Variants in PPARGC1A observed in about 807,000 individuals in gnomAD.
PPARGC1A encodes PPARG coactivator 1 alpha.
In PPARGC1A, 25 loss-of-function variants were observed where a neutral mutation model predicts 88.7. That is an observed-to-expected ratio of 0.28 (90% CI 0.21 to 0.39). The LOEUF (loss-of-function observed/expected upper bound fraction) is 0.39, where lower values mean the gene tolerates loss of function less well. Among genes scored for constraint, PPARGC1A ranks in the 10% least tolerant of loss-of-function variants. PPARGC1A has a pLI of 1.00. For missense variants in PPARGC1A, 880 were observed against 968.7 expected (o/e 0.91, Z 1.22); for synonymous variants, 363 against 355.6 (o/e 1.02, Z -0.24).
chr4:24,151,914 A>G, the PPARGC1A span, among the ~76,000 whole-genome samples: 1 of 152,364 alleles, frequency 6.6e-6, no homozygotes, highest in East Asian at 1.9e-4. Flanking sequence ...AATCAAACTC[A>G]ATAAAACTCA....
At chr4:24,081,489 C>T in the PPARGC1A span, among the ~76,000 whole-genome samples, 4,242 of 152,194 alleles carry the variant, frequency 0.028, 84 homozygotes, top group Non-Finnish European at 0.041. Flanking sequence ...ATGTAATAGA[C>T]CTGCTGGACT....
the PPARGC1A span, among the ~76,000 whole-genome samples, chr4:24,143,616 TGATAGATA>T: frequency 8.4e-3 from 1,284 of 151,968 alleles, 25 homozygotes; most frequent in African/African-American, 0.03. Flanking sequence ...GATAGAAAGA[TGATAGATA>T]GATAGATAGA....
At chr4:24,252,467 C>G in the PPARGC1A span, among the ~76,000 whole-genome samples, 1 of 152,230 alleles carries the variant, frequency 6.6e-6, no homozygotes, top group Non-Finnish European at 1.5e-5. Flanking sequence ...TCACTTCTCA[C>G]TGCCAACCAA....
chr4:24,354,683 A>G, the PPARGC1A span, among the ~76,000 whole-genome samples: 5 of 152,074 alleles, frequency 3.3e-5, no homozygotes, highest in South Asian at 2.1e-4. Context: ...TCAGGAGATC[A>G]AGACCATACT....
the PPARGC1A span, among the ~76,000 whole-genome samples, chr4:24,164,093 T>C: frequency 6.6e-6 from 1 of 152,204 alleles, no homozygotes; most frequent in South Asian, 2.1e-4. Context: ...ATAATAAAAA[T>C]AGGCAACTAT....
chr4:23,802,194 T>C, intron 11 of PPARGC1A, 30 bp downstream of exon 11: 1 of 1,613,908 alleles, frequency 6.2e-7, no homozygotes, highest in South Asian at 1.1e-5. Flanking sequence ...CGTCAGCTTC[T>C]AAACAAGAAA....
At chr4:23,924,195 A>ATG in the PPARGC1A span, among the ~76,000 whole-genome samples, 1 of 152,242 alleles carries the variant, frequency 6.6e-6, no homozygotes, top group Non-Finnish European at 1.5e-5. Flanking sequence ...CAAATGGGCC[A>ATG]GTCTTCAACT....
At chr4:23,859,405 A>G (rs776393645) in intron 2 of PPARGC1A, among the ~76,000 whole-genome samples, 9 of 152,216 alleles carry the variant, frequency 5.9e-5, no homozygotes, top group Non-Finnish European at 1.0e-4. Flanking sequence ...AGGGTCTTCC[A>G]GCAAAGGAAG....
chr4:24,305,941 C>T, the PPARGC1A span, among the ~76,000 whole-genome samples: 26 of 152,218 alleles, frequency 1.7e-4, no homozygotes, highest in Admixed American at 1.7e-3. Context: ...GTTTGTACAA[C>T]ATCTGAAGAT....
the PPARGC1A span, among the ~76,000 whole-genome samples, chr4:24,216,392 C>T: frequency 6.6e-6 from 1 of 152,054 alleles, no homozygotes; most frequent in Non-Finnish European, 1.5e-5. Context: ...AAGTGATCTG[C>T]CCACCTCAGC....
At chr4:23,899,525 C>G (rs535288505), upstream of PPARGC1A, among the ~76,000 whole-genome samples, 4 of 152,286 alleles carry the variant, frequency 2.6e-5, no homozygotes, top group East Asian at 7.7e-4. Flanking sequence ...ATTCATTCCA[C>G]TTAGAGTATT....
the PPARGC1A span, among the ~76,000 whole-genome samples, chr4:24,122,396 T>TGTGTGG: frequency 7.3e-6 from 1 of 136,788 alleles, no homozygotes; most frequent in Non-Finnish European, 1.6e-5. Context: ...TGTGTGTGTG[T>TGTGTGG]GTGTGTGTGT....
At chr4:24,042,613 C>T in the PPARGC1A span, among the ~76,000 whole-genome samples, 3 of 152,260 alleles carry the variant, frequency 2.0e-5, no homozygotes, top group South Asian at 4.1e-4. Context: ...GATACCGGAC[C>T]ACATAAATGT....
chr4:24,310,911 G>GCAAC, the PPARGC1A span, among the ~76,000 whole-genome samples: 1 of 152,056 alleles, frequency 6.6e-6, no homozygotes, highest in East Asian at 1.9e-4. Context: ...TGATTTTAAA[G>GCAAC]CAACTATTAC....
chr4:24,200,090 GATAA>G, the PPARGC1A span, among the ~76,000 whole-genome samples: 4 of 151,996 alleles, frequency 2.6e-5, no homozygotes, highest in Non-Finnish European at 5.9e-5. Context: ...AGATTGAGAT[GATAA>G]ATAATATTAA....
chr4:24,274,872 G>A, the PPARGC1A span, among the ~76,000 whole-genome samples: 1 of 152,090 alleles, frequency 6.6e-6, no homozygotes, highest in Non-Finnish European at 1.5e-5. Flanking sequence ...GATTCACTAA[G>A]GTTATACCCT....
upstream of PPARGC1A, among the ~76,000 whole-genome samples, chr4:23,900,590 A>G (rs566498244): frequency 5.9e-5 from 9 of 152,350 alleles, no homozygotes; most frequent in South Asian, 1.9e-3. Context: ...TGTAAAATCA[A>G]GCAACATTAC....
At position 23,824,309 on chromosome 4, in the gene PPARGC1A, G is replaced by T; in HGVS notation, c.848C>A (p.Thr283Asn). 1 of 1,613,454 alleles carries T rather than the reference G, an allele frequency of 6.2e-7. No homozygotes were observed. Residue 283 changes from threonine (T) to asparagine (N), a missense_variant, in exon 7 of 13, where the codon ACC becomes AAC. Thr to Asn is a moderately conservative substitution (Grantham distance 65). Coordinates refer to ENST00000264867, the MANE Select transcript of PPARGC1A (RefSeq NM_013261.5). ...AGTTCCAGAGAGTTCCACACTTAAG[G>T]TGCGTTCAATAGTCTTGTTCTCAAA... ...SPFENKTIERTLSVELSGTAG... is the reference protein window; with the variant it reads ...SPFENKTIERNLSVELSGTAG...
chr4:24,133,330 A>G, the PPARGC1A span, among the ~76,000 whole-genome samples: 1 of 152,122 alleles, frequency 6.6e-6, no homozygotes, highest in Non-Finnish European at 1.5e-5. Flanking sequence ...AGATGAATAC[A>G]CTCTAAATCT....
Sources: allele counts gnomAD v4.1 joint callset (sites outside exome capture counted in the v4.1 genomes callset), GRCh38; gene constraint gnomAD v4.1.1; transcripts MANE v1.5; gene names NCBI Gene and HGNC (gene_info 2026-07-23, HGNC 2026-07-21).